HCRTR2: variants seen among roughly 807,000 people sequenced by gnomAD.
The protein encoded by HCRTR2 is orexin receptor type 2.
HCRTR2 carries 22 observed loss-of-function variants against 49.0 expected under a neutral mutation model. The observed-to-expected ratio is 0.45, with a 90% CI of 0.32 to 0.64. HCRTR2 has a LOEUF of 0.64. Ranked by LOEUF, HCRTR2 falls within the 30% of genes least tolerant of loss-of-function variation. The pLI, the probability that HCRTR2 is intolerant of heterozygous loss-of-function variation, is 0.04. For synonymous variants in HCRTR2, 236 were observed against 205.3 expected (o/e 1.15, Z -1.28); for missense variants, 491 against 559.4 (o/e 0.88, Z 1.23).
chr6:55,153,278 G>A (rs191176193), intron 1 of HCRTR2, among the ~76,000 whole-genome samples: 110 of 152,038 alleles, frequency 7.2e-4, no homozygotes, highest in Admixed American at 2.3e-3. Context: ...ATTATTACAT[G>A]ATTTCATCAT....
At chr6:55,110,637 A>G (rs2127610563) in intron 1 of HCRTR2, among the ~76,000 whole-genome samples, 1 of 147,192 alleles carries the variant, frequency 6.8e-6, no homozygotes, top group South Asian at 2.2e-4. Context: ...ACAAAGAGGG[A>G]CATTATATAA....
In HCRTR2 at chr6:55,264,006, T is replaced by A. The variant is rs1206108595; in HGVS notation, c.762+184T>A. ...TATATTGTGTGTTCTTTTAAAGTAA[T>A]GAGAACCCAGACATAGAAATATGTC... On this transcript the variant is annotated intron_variant, in intron 4 of 6. Transcript: ENST00000370862. The A allele has an allele frequency of 8.5e-6, 5 of 586,240 alleles. No homozygotes were observed. In the Admixed American group the frequency reaches 8.7e-5, roughly 10 times the overall value. The allele number at this position is 586,240 out of a possible 1,614,324, so 36.3% of individuals were successfully genotyped here.
At chr6:55,173,728 G>A (rs915920031), upstream of HCRTR2, among the ~76,000 whole-genome samples, 4 of 152,244 alleles carry the variant, frequency 2.6e-5, no homozygotes, top group Admixed American at 2.6e-4. Context: ...CGTCCTTCAA[G>A]AATTTGTAGC....
At position 55,255,347 on chromosome 6, in the gene HCRTR2, C is replaced by A. The variant is rs753124038; in HGVS notation, c.614C>A (p.Thr205Asn). The stretch of plus-strand genomic sequence containing the variant: ...TTCCCAGGCTTAGCCAATAAAACCA[C>A]CCTCTTTACGGTGTGTGATGAGCGC... Reference protein sequence around the residue: ...TVFPGLANKTTLFTVCDERWG... With the variant: ...TVFPGLANKTNLFTVCDERWG... Residue 205 changes from threonine (T) to asparagine (N), a missense_variant, in exon 3 of 7, where the codon ACC (threonine) becomes AAC (asparagine). By Grantham distance (65) the Thr-to-Asn change is moderately conservative. Coordinates refer to ENST00000370862, the MANE Select transcript of HCRTR2 (RefSeq NM_001384272.1). The A allele has an allele frequency of 6.2e-7, 1 of 1,614,030 alleles. No homozygotes were observed. The highest frequency in any genetic ancestry group is 8.5e-7 in the Non-Finnish European group (1 of 1,179,956).
rs150078137 is a variant in HCRTR2 at position 55,139,344 on chromosome 6, A to G, written c.-378+32799A>G. On this transcript the variant is annotated intron_variant, in intron 1 of 7. Coordinates refer to the HCRTR2 transcript ENST00000615358. Reference sequence around the variant, plus strand: ...AATAGACTAAAATAAATTAGTGCACACACAGGGACATGAGTTAGGAGAAAA... The same window carrying G: ...AATAGACTAAAATAAATTAGTGCACGCACAGGGACATGAGTTAGGAGAAAA... Among the ~76,000 whole-genome samples the G allele has an allele frequency of 1.6e-3, 250 of 152,290 alleles. 1 individual carries two copies. Among genetic ancestry groups the G allele is most frequent in the African/African-American group, 5.7e-3 (235 of 41,550 alleles).
intron 1 of HCRTR2, among the ~76,000 whole-genome samples, chr6:55,227,210 T>A (rs928193794): frequency 6.6e-6 from 1 of 152,154 alleles, no homozygotes; most frequent in Non-Finnish European, 1.5e-5. Context: ...TTATGTTAAG[T>A]GGTTGATATC....
chr6:55,243,200 G>A (rs1017749748), intron 1 of HCRTR2, among the ~76,000 whole-genome samples: 1 of 152,108 alleles, frequency 6.6e-6, no homozygotes, highest in Non-Finnish European at 1.5e-5. Context: ...GTTAGAGGTG[G>A]AATTCAAGAA....
intron 1 of HCRTR2, chr6:55,240,802 T>C (rs989777603): frequency 2.4e-6 from 1 of 421,976 alleles, no homozygotes; most frequent in South Asian, 1.7e-5. Context: ...TGTTTCAAGG[T>C]AGGTTTTTTG....
At chr6:55,121,794 C>G (rs1243587744) in intron 1 of HCRTR2, among the ~76,000 whole-genome samples, 1 of 152,164 alleles carries the variant, frequency 6.6e-6, no homozygotes, top group Non-Finnish European at 1.5e-5. Context: ...ACCAGCCTTG[C>G]ATCCCAGGGA....
chr6:55,178,519 A>G (rs1298210012), intron 1 of HCRTR2, among the ~76,000 whole-genome samples: 1 of 152,082 alleles, frequency 6.6e-6, no homozygotes, highest in Non-Finnish European at 1.5e-5. Context: ...GCATATACAT[A>G]TTTTTCTTGA....
chr6:55,157,995 G>C (rs1434334439), intron 1 of HCRTR2, among the ~76,000 whole-genome samples: 1 of 152,168 alleles, frequency 6.6e-6, no homozygotes, highest in Admixed American at 6.5e-5. Flanking sequence ...CAAGCTTTAA[G>C]ACCATCCAGG....
chr6:55,205,046 G>A (rs879551465), intron 1 of HCRTR2, among the ~76,000 whole-genome samples: 2 of 152,062 alleles, frequency 1.3e-5, no homozygotes, highest in Non-Finnish European at 2.9e-5. Context: ...CCAAAGTTCT[G>A]GGATTACAGG....
At chr6:55,268,061 G>A (rs2127325114) in intron 4 of HCRTR2, among the ~76,000 whole-genome samples, 1 of 152,260 alleles carries the variant, frequency 6.6e-6, no homozygotes, top group South Asian at 2.1e-4. Context: ...AAAAAAGGAG[G>A]AGGAAATGGA....
At chr6:55,264,511 G>T (rs1371346218) in intron 4 of HCRTR2, among the ~76,000 whole-genome samples, 3 of 151,976 alleles carry the variant, frequency 2.0e-5, no homozygotes, top group Non-Finnish European at 4.4e-5. Context: ...GGAATTCATA[G>T]TCTAGAGGAG....
At chr6:55,194,062 G>T (rs1765368263) in intron 1 of HCRTR2, among the ~76,000 whole-genome samples, 1 of 151,840 alleles carries the variant, frequency 6.6e-6, no homozygotes. Flanking sequence ...TCTTTCCCGT[G>T]ATCATAGATA....
intron 1 of HCRTR2, among the ~76,000 whole-genome samples, chr6:55,160,442 A>T (rs6939495): frequency 0.44 from 66,445 of 151,952 alleles, 15,381 homozygotes; most frequent in East Asian, 0.78. Context: ...TGGGCAAAAT[A>T]ACCAGCTAGC....
chr6:55,245,461 G>A (rs1278453785), intron 1 of HCRTR2, among the ~76,000 whole-genome samples: 10 of 90,034 alleles, frequency 1.1e-4, no homozygotes, highest in Admixed American at 7.8e-4. Flanking sequence ...AGAATACATA[G>A]GAAGATTTTA....
chr6:55,199,935 A>G (rs540027363), intron 1 of HCRTR2, among the ~76,000 whole-genome samples: 1 of 152,340 alleles, frequency 6.6e-6, no homozygotes, highest in Non-Finnish European at 1.5e-5. Flanking sequence ...TGAATATATT[A>G]AAGAAATCCA....
At chr6:55,172,416 A>G (rs1398362977), upstream of HCRTR2, among the ~76,000 whole-genome samples, 1 of 152,104 alleles carries the variant, frequency 6.6e-6, no homozygotes, top group Non-Finnish European at 1.5e-5. Context: ...AGAAAGTAAA[A>G]TGCATGGAAA....
Sources: gnomAD v4.1 joint callset for allele counts (sites outside exome capture counted in the v4.1 genomes callset) on GRCh38, gnomAD v4.1.1 for gene constraint, MANE v1.5 for transcripts, NCBI Gene and HGNC (gene_info 2026-07-23, HGNC 2026-07-21) for gene names.